The following DHX35 variants were observed in gnomAD, a reference collection of about 807,000 sequenced individuals.
The protein encoded by DHX35 is DEAH-box helicase 35.
Under a neutral mutation model 99.6 loss-of-function variants are expected in DHX35, and 84 were observed. That is an observed-to-expected ratio of 0.84 (90% CI 0.71 to 1.01). The LOEUF is 1.01. DHX35 is among the 50% of genes least tolerant of loss of function. The probability of loss-of-function intolerance (pLI) is 0.00; values close to 1 mark genes in which losing one functional copy is unlikely to be tolerated. For synonymous variants in DHX35, 331 were observed against 316.2 expected (o/e 1.05, Z -0.50); for missense variants, 852 against 888.5 (o/e 0.96, Z 0.52).
chr20:38,964,333 G>T lies in DHX35; in HGVS notation c.40+1926G>T, dbSNP rs539846978. The stretch of plus-strand genomic sequence containing the variant: ...GTTAAGTGCTAGGGTATATTTTGGG[G>T]TATGACAGGAGATGAAGCTAGAAAA... On this transcript the variant is annotated intron_variant, in intron 1 of 21. Transcript: ENST00000252011. 1.1e-3 allele frequency among the ~76,000 whole-genome samples: 168 copies of T among 152,270 alleles called. 1 individual carries two copies. The highest frequency in any genetic ancestry group is 1.9e-3 in the Non-Finnish European group (129 of 68,006).
chr20:38,970,534 G>A (rs1193707594), intron 2 of DHX35, among the ~76,000 whole-genome samples: 1 of 152,156 alleles, frequency 6.6e-6, no homozygotes, highest in African/African-American at 2.4e-5. Flanking sequence ...TGAAGTGTCC[G>A]GACTCTGGAG....
intron 18 of DHX35, 25 bp from the exon 19 acceptor site, chr20:39,028,393 G>T (rs375322078): frequency 6.2e-7 from 1 of 1,613,368 alleles, no homozygotes; most frequent in South Asian, 1.1e-5. Flanking sequence ...GGTTTCACCC[G>T]CCTCTCTGTT....
intron 2 of DHX35, among the ~76,000 whole-genome samples, chr20:38,970,065 TTCTA>T (rs897499061): frequency 3.9e-5 from 6 of 151,910 alleles, no homozygotes; most frequent in Non-Finnish European, 7.4e-5. Context: ...AGTTGCTGTG[TTCTA>T]TCTATCTGTC....
At chr20:39,010,903 C>A (rs1296201408) in intron 13 of DHX35, among the ~76,000 whole-genome samples, 2 of 152,090 alleles carry the variant, frequency 1.3e-5, no homozygotes, top group African/African-American at 4.8e-5. Flanking sequence ...GGTCAAAGGG[C>A]CGTTGTCCTG....
chr20:38,982,292 A>G (rs2086185987), intron 3 of DHX35, among the ~76,000 whole-genome samples: 2 of 152,196 alleles, frequency 1.3e-5, no homozygotes, highest in South Asian at 4.1e-4. Context: ...CCTTGTTTGG[A>G]TATTTACTAA....
intron 14 of DHX35, among the ~76,000 whole-genome samples, chr20:39,016,317 C>G (rs1295773562): frequency 6.6e-6 from 1 of 152,176 alleles, no homozygotes; most frequent in Non-Finnish European, 1.5e-5. Context: ...GACCCATACA[C>G]TTCCCAGTAG....
At chr20:39,003,716 C>T (rs746094272) in intron 10 of DHX35, 33 bp from the exon 11 acceptor site, 29 of 1,590,842 alleles carry the variant, frequency 1.8e-5, no homozygotes, top group African/African-American at 1.7e-4. Context: ...AAATTGATCT[C>T]GGTTTCTTTG....
chr20:38,976,136 T>C (rs374735016), intron 3 of DHX35, among the ~76,000 whole-genome samples: 4 of 150,688 alleles, frequency 2.7e-5, no homozygotes, highest in African/African-American at 7.4e-5. Context: ...AGTTTTTTTT[T>C]CTTTTAATTT....
At chr20:39,003,693 A>C in intron 10 of DHX35, 56 bp from the exon 11 acceptor site, 1 of 1,568,136 alleles carries the variant, frequency 6.4e-7, no homozygotes, top group South Asian at 1.2e-5. Context: ...AGTATGATAA[A>C]ATAGCATGCT....
intron 8 of DHX35, among the ~76,000 whole-genome samples, chr20:38,998,558 T>A (rs1426956187): frequency 6.6e-6 from 1 of 152,222 alleles, no homozygotes; most frequent in Non-Finnish European, 1.5e-5. Context: ...CTTTTTATGA[T>A]GTATGCTTCT....
intron 3 of DHX35, among the ~76,000 whole-genome samples, chr20:38,982,858 T>G (rs2086193931): frequency 6.6e-6 from 1 of 152,136 alleles, no homozygotes; most frequent in African/African-American, 2.4e-5. Flanking sequence ...GGATTTTAAG[T>G]GCATATAATC....
chr20:39,034,413 G>A, intron 21 of DHX35, 96 bp downstream of exon 21: 1 of 1,017,306 alleles, frequency 9.8e-7, no homozygotes, highest in Non-Finnish European at 1.5e-6. Flanking sequence ...CCCTATGTGT[G>A]TTCCCCCTAG....
chr20:39,001,378 A>T (rs1324353821), intron 8 of DHX35, among the ~76,000 whole-genome samples: 1 of 152,192 alleles, frequency 6.6e-6, no homozygotes, highest in East Asian at 1.9e-4. Flanking sequence ...CTTGAGTCAC[A>T]CCTTTGACCT....
At chr20:38,988,589 C>A (rs1481057095) in intron 4 of DHX35, among the ~76,000 whole-genome samples, 1 of 152,118 alleles carries the variant, frequency 6.6e-6, no homozygotes, top group Non-Finnish European at 1.5e-5. Flanking sequence ...GAGATTGTGC[C>A]ACTGCCCTCC....
intron 5 of DHX35, among the ~76,000 whole-genome samples, chr20:38,990,522 C>CT (rs2086322575): frequency 6.6e-6 from 1 of 152,184 alleles, no homozygotes; most frequent in Non-Finnish European, 1.5e-5. Context: ...CCTCTGCATC[C>CT]TGCGGGTTCT....
chr20:39,038,458 T>C, intron 21 of DHX35, 41 bp from the exon 22 acceptor site: 1 of 1,611,660 alleles, frequency 6.2e-7, no homozygotes, highest in Non-Finnish European at 8.5e-7. Context: ...GGTTTCTTTG[T>C]CTAATCAACC....
At chr20:39,033,260 A>G (rs1417307041) in intron 20 of DHX35, among the ~76,000 whole-genome samples, 1 of 152,104 alleles carries the variant, frequency 6.6e-6, no homozygotes, top group African/African-American at 2.4e-5. Flanking sequence ...TTTTAAATCA[A>G]GAGAGATGCA....
At chr20:38,996,945 C>A (rs2086438807) in intron 8 of DHX35, among the ~76,000 whole-genome samples, 1 of 152,036 alleles carries the variant, frequency 6.6e-6, no homozygotes, top group Admixed American at 6.6e-5. Flanking sequence ...ATCTGTATCT[C>A]TTTTTCACCC....
chr20:38,963,729 G>A (rs971943163), intron 1 of DHX35, among the ~76,000 whole-genome samples: 4 of 152,198 alleles, frequency 2.6e-5, no homozygotes, highest in African/African-American at 9.7e-5. Flanking sequence ...CATCCATTGA[G>A]GGTACACTTA....
Sources: gnomAD v4.1 joint callset for allele counts (sites outside exome capture counted in the v4.1 genomes callset) on GRCh38, gnomAD v4.1.1 for gene constraint, MANE v1.5 for transcripts, NCBI Gene and HGNC (gene_info 2026-07-23, HGNC 2026-07-21) for gene names.